Variants in CRISP1 observed in about 807,000 individuals in gnomAD.
The protein encoded by CRISP1 is cysteine rich secretory protein 1.
A neutral mutation model predicts 33.1 loss-of-function variants in CRISP1; 44 were observed. The ratio of observed to expected loss-of-function variants is 1.33; its 90% CI spans 1.05 to 1.71. The LOEUF (loss-of-function observed/expected upper bound fraction) is 1.71. CRISP1 is among the 40% of genes most tolerant of loss of function. The pLI is 0.00. For synonymous variants in CRISP1, 103 were observed against 98.7 expected, an observed-to-expected ratio of 1.04 and a Z score of -0.26; for missense variants, 390 against 301.2, an observed-to-expected ratio of 1.29 and a Z score of -2.18.
upstream of CRISP1, among the ~76,000 whole-genome samples, chr6:49,867,511 G>A (rs1771826434): frequency 6.6e-6 from 1 of 151,994 alleles, no homozygotes; most frequent in African/African-American, 2.4e-5. Flanking sequence ...GTAAAAATAA[G>A]GTAAGAATTG....
chr6:49,844,348 A>G (rs1362346588), intron 5 of CRISP1, among the ~76,000 whole-genome samples: 2 of 152,168 alleles, frequency 1.3e-5, no homozygotes, highest in Non-Finnish European at 2.9e-5. Context: ...ACTCTTCAGA[A>G]TGACATGATA....
intron 2 of CRISP1, among the ~76,000 whole-genome samples, chr6:49,855,929 T>C (rs1771483475): frequency 6.6e-6 from 1 of 152,214 alleles, no homozygotes; most frequent in Non-Finnish European, 1.5e-5. Flanking sequence ...TAAATTTGTG[T>C]TGGGGGTTAA....
intron 1 of CRISP1, among the ~76,000 whole-genome samples, chr6:49,863,450 G>T (rs1459091925): frequency 6.6e-6 from 1 of 152,154 alleles, no homozygotes; most frequent in East Asian, 1.9e-4. Flanking sequence ...TTACTTCATT[G>T]GCTTTAGCAT....
At chr6:49,838,818 A>G (rs773440074) in intron 6 of CRISP1, among the ~76,000 whole-genome samples, 5 of 152,152 alleles carry the variant, frequency 3.3e-5, no homozygotes, top group Admixed American at 6.5e-5. Flanking sequence ...AAGTACAAGC[A>G]AGGGGACTCA....
intron 2 of CRISP1, among the ~76,000 whole-genome samples, chr6:49,857,082 A>C (rs1429065366): frequency 6.6e-6 from 1 of 152,184 alleles, no homozygotes; most frequent in Admixed American, 6.6e-5. Context: ...TAACTGATTA[A>C]GTATAATTTC....
At chr6:49,871,284 C>T (rs1771917374), upstream of CRISP1, among the ~76,000 whole-genome samples, 1 of 151,884 alleles carries the variant, frequency 6.6e-6, no homozygotes, top group South Asian at 2.1e-4. Flanking sequence ...AAATAATTGC[C>T]CTACTGGAAC....
At chr6:49,876,202 A>C (rs1000365793) in intron 1 of CRISP1, among the ~76,000 whole-genome samples, 1 of 152,152 alleles carries the variant, frequency 6.6e-6, no homozygotes, top group African/African-American at 2.4e-5. Context: ...GCAAGAAAAA[A>C]ACACCACCAA....
At chr6:49,842,018 C>T (rs1422834823) in intron 5 of CRISP1, among the ~76,000 whole-genome samples, 1 of 152,182 alleles carries the variant, frequency 6.6e-6, no homozygotes, top group Non-Finnish European at 1.5e-5. Context: ...AGACTTTCCT[C>T]ACATTTCTGT....
chr6:49,834,264 T>A lies in CRISP1; in HGVS notation c.*1052A>T, dbSNP rs1289517987. 6.6e-6 allele frequency: 1 copy of A among 152,030 alleles called. No individual in the cohort carries two copies. Among genetic ancestry groups the A allele is most frequent in the Non-Finnish European group, 1.5e-5 (1 of 67,972 alleles). The allele number at this position is 152,030 out of a possible 1,614,324, so 9.4% of individuals were successfully genotyped here. ...TGGAAAGTGGGTGATGTCTTTTTTT[T>A]TTTTTTCAAACACTTTATTGAAATG... On this transcript the variant is annotated 3_prime_UTR_variant, in exon 8 of 8. Coordinates refer to ENST00000335847, the MANE Select transcript of CRISP1 (RefSeq NM_001131.3).
At chr6:49,837,441 A>AT (rs76174671) in intron 7 of CRISP1, among the ~76,000 whole-genome samples, 1,661 of 137,180 alleles carry the variant, frequency 0.012, 6 homozygotes, top group South Asian at 0.023. Flanking sequence ...TAACTGGTTG[A>AT]TTTTTTTTTT....
In CRISP1 at chr6:49,857,369, G is replaced by T. The variant is rs1356527792; in HGVS notation, c.32C>A (p.Ala11Asp). The part of the protein sequence containing the change: MEIKHLLFLV[A>D]AACLLPMLSM... ...CAACATAGGCAGTAAGCAAGCAGCA[G>T]CAACCAAAAACAAGAGGTGTTTAAT... Residue 11 changes from alanine to aspartate, a missense_variant, in exon 2 of 8, where the codon GCT becomes GAT. Ala to Asp is a moderately radical substitution (Grantham distance 126). Transcript: ENST00000335847. 6.2e-7 allele frequency: 1 copy of T among 1,612,862 alleles called. No individual in the cohort carries two copies. The highest frequency in any genetic ancestry group is 2.2e-5 in the East Asian group (1 of 44,790).
chr6:49,868,625 A>C (rs991516748), upstream of CRISP1, among the ~76,000 whole-genome samples: 1 of 152,174 alleles, frequency 6.6e-6, no homozygotes, highest in Non-Finnish European at 1.5e-5. Context: ...ATAATTTTGC[A>C]TATATTCTGG....
chr6:49,834,754 T>C lies in CRISP1; in HGVS notation c.*562A>G, dbSNP rs1770726966. 2.0e-5 allele frequency: 3 copies of C among 152,278 alleles called. No homozygotes were observed. Among genetic ancestry groups the C allele is most frequent in the African/African-American group, 7.2e-5 (3 of 41,464 alleles). The allele number at this position is 152,278 out of a possible 1,614,324, so 9.4% of individuals were successfully genotyped here. On this transcript the variant is annotated 3_prime_UTR_variant, in exon 8 of 8. Coordinates refer to ENST00000335847, the MANE Select transcript of CRISP1 (RefSeq NM_001131.3). ...AATGGCATACGAAGCTTTTTTATTGTTTCTTGCTTCACAAATGTATATATA... is the reference window on the plus strand; with the variant it reads ...AATGGCATACGAAGCTTTTTTATTGCTTCTTGCTTCACAAATGTATATATA...
At chr6:49,857,280 G>C in intron 2 of CRISP1, 55 bp downstream of exon 2, 1 of 1,536,540 alleles carries the variant, frequency 6.5e-7, no homozygotes, top group Non-Finnish European at 9.0e-7. Context: ...GTATTAAAGT[G>C]TTAGCTCTTA....
intron 1 of CRISP1, 93 bp from the exon 2 acceptor site, chr6:49,857,495 A>T (rs1771529183): frequency 8.2e-7 from 1 of 1,222,672 alleles, no homozygotes; most frequent in Non-Finnish European, 1.2e-6. Context: ...ATGTGTTTGC[A>T]TTTTTTTTCC....
intron 1 of CRISP1, chr6:49,876,996 C>A (rs1234189117): frequency 1.3e-5 from 2 of 151,708 alleles, no homozygotes; most frequent in Non-Finnish European, 2.9e-5. Flanking sequence ...ACACATTCAC[C>A]TATGTAACTA....
intron 1 of CRISP1, among the ~76,000 whole-genome samples, chr6:49,859,815 G>A (rs190888991): frequency 7.9e-5 from 12 of 152,184 alleles, no homozygotes; most frequent in Admixed American, 7.2e-4. Flanking sequence ...AAAAAATACA[G>A]AGTGGCTGAA....
Position 49,840,908 on chromosome 6 carries a change from A to C in CRISP1, c.523T>G (p.Tyr175Asp), listed in dbSNP as rs1179057949. 6.2e-7 allele frequency: 1 copy of C among 1,612,860 alleles called. No individual in the cohort carries two copies. Among genetic ancestry groups the C allele is most frequent in the South Asian group, 1.1e-5 (1 of 91,034 alleles). Residue 175 changes from tyrosine (Y) to aspartate (D), a missense_variant, in exon 6 of 8, where the codon TAT (tyrosine) becomes GAT (aspartate). Physicochemically the swap from Tyr to Asp is radical, Grantham distance 160. Transcript: ENST00000335847. The stretch of plus-strand genomic sequence containing the variant: ...ACTAATAATACATACTCATGACAAT[A>C]GTGACAAACGTAGAGATATCGAGGT... ...GSPRYLYVCH[Y>D]CHEGNDPETK...
At chr6:49,841,961 G>A (rs192616804) in intron 5 of CRISP1, among the ~76,000 whole-genome samples, 7 of 152,174 alleles carry the variant, frequency 4.6e-5, no homozygotes, top group Admixed American at 6.5e-5. Context: ...GTTCTCACTC[G>A]CCCTCCCTGC....
Sources: gnomAD v4.1 joint callset for allele counts (sites outside exome capture counted in the v4.1 genomes callset) on GRCh38, gnomAD v4.1.1 for gene constraint, MANE v1.5 for transcripts, NCBI Gene and HGNC (gene_info 2026-07-23, HGNC 2026-07-21) for gene names.